DENND4B: variants seen among roughly 807,000 people sequenced by gnomAD.
DENND4B encodes DENN domain containing 4B.
DENND4B carries 67 observed loss-of-function variants against 161.0 expected under a neutral mutation model. That is an observed-to-expected ratio of 0.42 (90% CI 0.34 to 0.51). The LOEUF (loss-of-function observed/expected upper bound fraction) is 0.51. DENND4B is among the 20% of genes least tolerant of loss of function. The pLI, the probability that DENND4B is intolerant of heterozygous loss-of-function variation, is 0.08. For missense variants in DENND4B, 1,481 were observed against 1,968.0 expected (o/e 0.75, Z 4.68); for synonymous variants, 753 against 813.8 (o/e 0.93, Z 1.27).
At position 153,942,932 on chromosome 1, in the gene DENND4B, G is replaced by A. The variant is rs369979836; in HGVS notation, c.516C>T (p.Gly172=). The A allele has an allele frequency of 2.8e-5, 45 of 1,612,628 alleles. No individual in the cohort carries two copies. The African/African-American group carries it at 5.3e-4, about 19-fold the overall frequency. ...GGCAGTAAGTATGAGGAGTGCCCTC[G>A]CCCTTACTGGGCAGCACCAGGCAGA... ...TDLCLVLPSK[G]EGTPHTYCRL... The change falls in exon 3 of 28, where the codon GGC becomes GGT. Residue 172 remains glycine, a synonymous_variant. Transcript: ENST00000361217. The surrounding 1 kb of genome is among the most constrained non-coding windows in gnomAD (Gnocchi z 6.9).
chr1:153,936,178 C>T lies in DENND4B; in HGVS notation c.2450G>A (p.Arg817Gln), dbSNP rs370835893. 5.6e-6 allele frequency: 9 copies of T among 1,605,594 alleles called. No individual in the cohort carries two copies. Among genetic ancestry groups the T allele is most frequent in the Non-Finnish European group, 6.0e-6 (7 of 1,176,204 alleles). ...GTGTGAGCAGAGCTGCATCAGTACC[C>T]GGTAACACACCTGGGCCAGGAGAGG... ...KVVLPDEVCYRVLMQLCSHYG... is the reference protein window; with the variant it reads ...KVVLPDEVCYQVLMQLCSHYG... The change falls in exon 17 of 28, where the codon CGG (arginine) becomes CAG (glutamine). Residue 817 changes from arginine (R) to glutamine (Q), a missense_variant. By Grantham distance (43) the Arg-to-Gln change is conservative. Coordinates refer to ENST00000361217, the MANE Select transcript of DENND4B (RefSeq NM_014856.3). The surrounding 1 kb of genome is among the most constrained non-coding windows in gnomAD (Gnocchi z 4.1).
Position 153,937,968 on chromosome 1 carries a change from G to C in DENND4B, c.1966-105C>G. ...CCAGGAAAGCTCATCCACAAGGAAA[G>C]AGACACAGCCTGGGAAGATGGCGTC... is the stretch of plus-strand genomic sequence containing the variant. On this transcript the variant is annotated intron_variant, in intron 13 of 27. Transcript: ENST00000361217. This position sits in a 1 kb window ranked among gnomAD's most constrained non-coding sequence, Gnocchi z 4.7. 6.6e-7 allele frequency: 1 copy of C among 1,519,688 alleles called. No homozygotes were observed. Among genetic ancestry groups the C allele is most frequent in the Non-Finnish European group, 9.0e-7 (1 of 1,111,440 alleles). 94.1% of individuals were successfully genotyped at this position (1,519,688 alleles called of 1,614,324 possible).
Position 153,934,212 on chromosome 1 carries a change from G to T in DENND4B, c.2864C>A (p.Pro955His). 1.2e-6 allele frequency: 2 copies of T among 1,606,606 alleles called. No individual in the cohort carries two copies. Among genetic ancestry groups the T allele is most frequent in the Non-Finnish European group, 1.7e-6 (2 of 1,177,160 alleles). The stretch of plus-strand genomic sequence containing the variant: ...GCTACCACTCTTCACCAGGCGTCCA[G>T]GGGGTGAGGCTGGGTCTCTCAGACT... ...GRSLRDPASP[P>H]GRLVKSGSLG... Residue 955 changes from proline (P) to histidine (H), a missense_variant, in exon 19 of 28, where the codon CCT (proline) becomes CAT (histidine). By Grantham distance (77) the Pro-to-His change is moderately conservative. This residue lies in a region of DENND4B where 339 missense variants were observed against 330.3 expected (regional missense o/e 1.03). Coordinates refer to ENST00000361217, the MANE Select transcript of DENND4B (RefSeq NM_014856.3). This position sits in a 1 kb window ranked among gnomAD's most constrained non-coding sequence, Gnocchi z 5.3.
At chr1:153,938,036 G>A (rs967332279) in intron 13 of DENND4B, among the ~76,000 whole-genome samples, 173 bp from the exon 14 acceptor site, 1 of 152,228 alleles carries the variant, frequency 6.6e-6, no homozygotes, top group South Asian at 2.1e-4. Context: ...GGCCAGCTGT[G>A]TGTGGCTGCA....
rs768859684 is a variant in DENND4B, at chr1:153,930,689, T to C, written c.4280+3A>G. 2 of 1,612,992 alleles carry C rather than the reference T, an allele frequency of 1.2e-6. No homozygotes were observed. Among genetic ancestry groups the C allele is most frequent in the Non-Finnish European group, 1.7e-6 (2 of 1,179,302 alleles). ...AGGGATCACCCAGATGGTAGCACCA[T>C]ACCTCTGCAGGTGCAGGCCAGTGGG... On this transcript the variant is annotated splice_donor_region_variant and intron_variant, in intron 26 of 27. Coordinates refer to ENST00000361217, the MANE Select transcript of DENND4B (RefSeq NM_014856.3). The surrounding 1 kb of genome is among the most constrained non-coding windows in gnomAD (Gnocchi z 4.7).
chr1:153,942,381 T>C lies in DENND4B; in HGVS notation c.641-25A>G. 1 of 1,604,730 alleles carries C rather than the reference T, an allele frequency of 6.2e-7. No homozygotes were observed. ...TCTGCACCCCCAGCATAGTTGGGGG[T>C]ACCCAAAAGGAGCAGGGTCCATCAG... On this transcript the variant is annotated intron_variant, in intron 4 of 27. Coordinates refer to ENST00000361217, the MANE Select transcript of DENND4B (RefSeq NM_014856.3). This position sits in a 1 kb window ranked among gnomAD's most constrained non-coding sequence, Gnocchi z 6.9.
Position 153,940,607 on chromosome 1 carries a change from C to G in DENND4B, c.1327-1G>C. The G allele has an allele frequency of 6.2e-7, 1 of 1,611,488 alleles. No homozygotes were observed. The highest frequency in any genetic ancestry group is 8.5e-7 in the Non-Finnish European group (1 of 1,178,834). ...ACTGCCAGTGCAGTGGGAAGATCAT[C>G]TGAAGCACCAGGCAGTGAGAACCAG... On this transcript the variant is annotated splice_acceptor_variant, in intron 9 of 27. Transcript: ENST00000361217. LOFTEE classifies it high-confidence loss of function. This position sits in a 1 kb window ranked among gnomAD's most constrained non-coding sequence, Gnocchi z 5.6.
At position 153,934,074 on chromosome 1, in the gene DENND4B, C is replaced by T. The variant is rs1679156263; in HGVS notation, c.2941+61G>A. The T allele has an allele frequency of 6.1e-6, 9 of 1,485,522 alleles. No individual in the cohort carries two copies. Among genetic ancestry groups the T allele is most frequent in the Non-Finnish European group, 8.0e-6 (9 of 1,121,094 alleles). 92.0% of individuals were successfully genotyped at this position (1,485,522 alleles called of 1,614,324 possible). On this transcript the variant is annotated intron_variant, in intron 19 of 27. Transcript: ENST00000361217. The surrounding 1 kb of genome is among the most constrained non-coding windows in gnomAD (Gnocchi z 5.3). ...ACTCTGTTTCTGGTCTTCCCCACCT[C>T]ACTAGCAAGTGGTTAGGAAAGCTGA...
In DENND4B at chr1:153,930,155, G is replaced by T; in HGVS notation, c.*142C>A. The T allele has an allele frequency of 8.7e-7, 1 of 1,143,398 alleles. No individual in the cohort carries two copies. Among genetic ancestry groups the T allele is most frequent in the Non-Finnish European group, 1.2e-6 (1 of 830,490 alleles). 70.8% of individuals were successfully genotyped at this position (1,143,398 alleles called of 1,614,324 possible). On this transcript the variant is annotated 3_prime_UTR_variant, in exon 28 of 28. Coordinates refer to ENST00000361217, the MANE Select transcript of DENND4B (RefSeq NM_014856.3). The surrounding 1 kb of genome is among the most constrained non-coding windows in gnomAD (Gnocchi z 4.7). ...TTGGTAACAGTGGATCCCTCTTCCT[G>T]TTGTCCTCGCTTGGAGCCTTTGACT...
Position 153,944,401 on chromosome 1 carries a change from G to T in DENND4B, c.-23-4C>A. On this transcript the variant is annotated splice_polypyrimidine_tract_variant and splice_region_variant and intron_variant, in intron 1 of 27. Transcript: ENST00000361217. This position sits in a 1 kb window ranked among gnomAD's most constrained non-coding sequence, Gnocchi z 4.8. ...GCCCCCCCCTCACTCACTGCATCTG[G>T]AATGGTCAAGTGGGAGAGAGATGAA... 1 of 1,584,036 alleles carries T rather than the reference G, an allele frequency of 6.3e-7. No homozygotes were observed. Among genetic ancestry groups the T allele is most frequent in the South Asian group, 1.1e-5 (1 of 86,976 alleles).
rs763370903 is a variant in DENND4B, at chr1:153,942,016, C to T, written c.908G>A (p.Arg303Gln). Reference protein sequence around the residue: ...RALGLLSAVERGRALGGRAVR... With the variant: ...RALGLLSAVEQGRALGGRAVR... ...AGCTCTGCCCCCCAGTGCCCGACCC[C>T]GCTCCACGGCGCTCAGCAGGCCCAG... Residue 303 changes from arginine (R) to glutamine (Q), a missense_variant, in exon 6 of 28, where the codon CGG becomes CAG. Arg to Gln is a conservative substitution (Grantham distance 43). Around this residue, in one of 3 missense-constraint regions of DENND4B, gnomAD observed 806 missense variants for 1,134.4 expected, o/e 0.71. Transcript: ENST00000361217. This position sits in a 1 kb window ranked among gnomAD's most constrained non-coding sequence, Gnocchi z 6.9. 34 of 1,610,938 alleles carry T rather than the reference C, an allele frequency of 2.1e-5. No individual in the cohort carries two copies. The highest frequency in any genetic ancestry group is 2.8e-5 in the Non-Finnish European group (33 of 1,178,836).
Position 153,933,505 on chromosome 1 carries a change from C to T in DENND4B, c.3308G>A (p.Arg1103His), listed in dbSNP as rs202061696. The change falls in exon 20 of 28, where the codon CGC becomes CAC. Residue 1103 changes from arginine (R) to histidine (H), a missense_variant. Coordinates refer to ENST00000361217, the MANE Select transcript of DENND4B (RefSeq NM_014856.3). This position sits in a 1 kb window ranked among gnomAD's most constrained non-coding sequence, Gnocchi z 5.7. ...PMDSLLHPRE[R>H]PGSTASESSA... is the part of the protein sequence containing the mutation. Reference sequence around the variant, plus strand: ...TACCTCGGAGGCAGTGGATCCAGGGCGCTCCCGGGGGTGCAGAAGACTGTC... The same window carrying T: ...TACCTCGGAGGCAGTGGATCCAGGGTGCTCCCGGGGGTGCAGAAGACTGTC... The T allele has an allele frequency of 1.2e-4, 186 of 1,553,854 alleles. No individual in the cohort carries two copies. The highest frequency in any genetic ancestry group is 1.5e-4 in the South Asian group (12 of 81,164).
Position 153,934,092 on chromosome 1 carries a change from A to G in DENND4B, c.2941+43T>C. The G allele has an allele frequency of 6.6e-7, 1 of 1,508,928 alleles. No individual in the cohort carries two copies. The highest frequency in any genetic ancestry group is 8.8e-7 in the Non-Finnish European group (1 of 1,134,194). 93.5% of individuals were successfully genotyped at this position (1,508,928 alleles called of 1,614,324 possible). ...CCCACCTCACTAGCAAGTGGTTAGG[A>G]AAGCTGACTGGGGGAGTGAGGGAGC... On this transcript the variant is annotated intron_variant, in intron 19 of 27. Transcript: ENST00000361217. This position sits in a 1 kb window ranked among gnomAD's most constrained non-coding sequence, Gnocchi z 5.3.
chr1:153,934,821 CTGCTGCTGT>C lies in DENND4B; in HGVS notation c.2703_2711del (p.Gln908_Gln910del), dbSNP rs557071025. ...CCTGCTCCTGCTGCTGCTGCTGCTG[CTGCTGCTGT>C]TGCTGCTGCTGCTGCTGTTGCCGTT... On this transcript the variant is annotated inframe_deletion, in exon 18 of 28. Coordinates refer to ENST00000361217, the MANE Select transcript of DENND4B (RefSeq NM_014856.3). The surrounding 1 kb of genome is among the most constrained non-coding windows in gnomAD (Gnocchi z 5.3). 8.3e-5 allele frequency: 92 copies of C among 1,109,724 alleles called. 1 individual carries two copies. The South Asian group carries it at 8.6e-4, about 10-fold the overall frequency. 68.7% of individuals were successfully genotyped at this position (1,109,724 alleles called of 1,614,324 possible).
At position 153,938,990 on chromosome 1, in the gene DENND4B, G is replaced by T. The variant is rs778098580; in HGVS notation, c.1875C>A (p.His625Gln). The change falls in exon 13 of 28, where the codon CAC becomes CAA. Residue 625 changes from histidine (H) to glutamine (Q), a missense_variant. Physicochemically the swap from His to Gln is conservative, Grantham distance 24. This residue lies in a region of DENND4B where 806 missense variants were observed against 1,134.4 expected (regional missense o/e 0.71). Coordinates refer to ENST00000361217, the MANE Select transcript of DENND4B (RefSeq NM_014856.3). ...CAATGAACTGTGAGAACATCTGTGTGTGCAGCAGCTGAGAGTAAAGTTTGT... is the reference window on the plus strand; with the variant it reads ...CAATGAACTGTGAGAACATCTGTGTTTGCAGCAGCTGAGAGTAAAGTTTGT... ...SSHKLYSQLL[H>Q]TQMFSQFIEE... 1 of 1,612,202 alleles carries T rather than the reference G, an allele frequency of 6.2e-7. No homozygotes were observed. Among genetic ancestry groups the T allele is most frequent in the South Asian group, 1.1e-5 (1 of 90,478 alleles).
Position 153,934,345 on chromosome 1 carries a change from C to A in DENND4B, c.2774-43G>T. On this transcript the variant is annotated intron_variant, in intron 18 of 27. Coordinates refer to ENST00000361217, the MANE Select transcript of DENND4B (RefSeq NM_014856.3). The surrounding 1 kb of genome is among the most constrained non-coding windows in gnomAD (Gnocchi z 5.3). ...GGGTTTAGAGGCGGCCAGCTAGGAA[C>A]CCAGTCCCCTGTTCCAAAATAGAGC... 6.5e-7 allele frequency: 1 copy of A among 1,531,152 alleles called. No individual in the cohort carries two copies. The highest frequency in any genetic ancestry group is 1.3e-5 in the South Asian group (1 of 79,714). 94.8% of individuals were successfully genotyped at this position (1,531,152 alleles called of 1,614,324 possible).
At position 153,943,129 on chromosome 1, in the gene DENND4B, C is replaced by T. The variant is rs201817268; in HGVS notation, c.319G>A (p.Val107Met). ...GGACGTTCCTTCCCCTCATACAACA[C>T]CCTTGGCACAGAGAGCAAAGATAGA... ...RDKPPLVELG[V>M]LYEGKERPKP... Residue 107 changes from valine (V) to methionine (M), a missense_variant and splice_region_variant, in exon 3 of 28, where the codon GTG becomes ATG. This residue lies in a region of DENND4B where 806 missense variants were observed against 1,134.4 expected (regional missense o/e 0.71). Coordinates refer to ENST00000361217, the MANE Select transcript of DENND4B (RefSeq NM_014856.3). The T allele has an allele frequency of 6.6e-5, 107 of 1,609,850 alleles. No individual in the cohort carries two copies. The highest frequency in any genetic ancestry group is 4.9e-4 in the Middle Eastern group (3 of 6,064).
chr1:153,939,582 T>C lies in DENND4B; in HGVS notation c.1819+7A>G. ...TACATCTCCAAGCAGAGACAGGCCC[T>C]CTATACCCTGCAGGAAGAAAAGGTT... On this transcript the variant is annotated splice_region_variant and intron_variant, in intron 12 of 27. Coordinates refer to ENST00000361217, the MANE Select transcript of DENND4B (RefSeq NM_014856.3). 1 of 1,603,224 alleles carries C rather than the reference T, an allele frequency of 6.2e-7. No individual in the cohort carries two copies. Among genetic ancestry groups the C allele is most frequent in the Non-Finnish European group, 8.5e-7 (1 of 1,172,766 alleles).
Position 153,933,793 on chromosome 1 carries a change from A to G in DENND4B, c.3020T>C (p.Leu1007Pro). 6.2e-7 allele frequency: 1 copy of G among 1,612,258 alleles called. No homozygotes were observed. The highest frequency in any genetic ancestry group is 1.1e-5 in the South Asian group (1 of 90,876). ...TCCAGGGAGCGGCTCCTCCCCTGTCAGGCTCAGGTCTGAGAGACTTCCATC... is the reference window on the plus strand; with the variant it reads ...TCCAGGGAGCGGCTCCTCCCCTGTCGGGCTCAGGTCTGAGAGACTTCCATC... ...WHDGSLSDLS[L>P]TGEEPLPGGS... The change falls in exon 20 of 28, where the codon CTG becomes CCG. Residue 1007 changes from leucine (L) to proline (P), a missense_variant. By Grantham distance (98) the Leu-to-Pro change is moderately conservative. This residue lies in a region of DENND4B where 339 missense variants were observed against 330.3 expected (regional missense o/e 1.03). Transcript: ENST00000361217. This position sits in a 1 kb window ranked among gnomAD's most constrained non-coding sequence, Gnocchi z 5.7.
Sources: allele counts gnomAD v4.1 joint callset (sites outside exome capture counted in the v4.1 genomes callset), GRCh38; gene constraint gnomAD v4.1.1; regional missense constraint gnomAD v4.1.1; non-coding constraint Gnocchi (gnomAD v3.1); transcripts MANE v1.5; gene names NCBI Gene and HGNC (gene_info 2026-07-23, HGNC 2026-07-21).